Variants in KIFBP observed in about 807,000 individuals in gnomAD.
KIFBP encodes kinesin family binding protein, also known as KIF-binding protein.
In KIFBP, 46 loss-of-function variants were observed where a neutral mutation model predicts 58.9. The ratio of observed to expected loss-of-function variants is 0.78; its 90% CI spans 0.62 to 1.00. The LOEUF (loss-of-function observed/expected upper bound fraction) is 1.00, where lower values mean the gene tolerates loss of function less well. Among genes scored for constraint, KIFBP ranks in the 50% least tolerant of loss-of-function variants. The pLI is 0.00. For synonymous variants in KIFBP, 241 were observed against 283.4 expected (o/e 0.85, Z 1.50); for missense variants, 651 against 752.9 (o/e 0.86, Z 1.58).
At chr10:69,009,213 G>A (rs1843566839) in intron 5 of KIFBP, among the ~76,000 whole-genome samples, 1 of 152,044 alleles carries the variant, frequency 6.6e-6, no homozygotes. Flanking sequence ...TTCAAGAAAT[G>A]TAACATTGGC....
chr10:68,989,016 G>A lies in KIFBP; in HGVS notation c.184G>A (p.Glu62Lys). The A allele has an allele frequency of 1.9e-6, 3 of 1,614,106 alleles. No homozygotes were observed. The highest frequency in any genetic ancestry group is 2.5e-6 in the Non-Finnish European group (3 of 1,179,992). The change falls in exon 1 of 7, where the codon GAG becomes AAG. Residue 62 changes from glutamate to lysine, a missense_variant. Transcript: ENST00000361983. Reference sequence around the variant, plus strand: ...GCCTGAGGACGAGGATGAGCGGCCTGAGGCCGAGGACGGCCCGGGTGCCGG... The same window carrying A: ...GCCTGAGGACGAGGATGAGCGGCCTAAGGCCGAGGACGGCCCGGGTGCCGG... ...PAPEDEDERP[E>K]AEDGPGAGDH...
At chr10:69,011,395 C>CTTTTTTTTT (rs10700812) in intron 6 of KIFBP, 1 of 129,470 alleles carries the variant, frequency 7.7e-6, no homozygotes, top group Admixed American at 7.6e-5. Flanking sequence ...ATATCATATT[C>CTTTTTTTTT]TTTTTTTTTT....
intron 2 of KIFBP, among the ~76,000 whole-genome samples, chr10:69,000,766 A>G (rs1442288922): frequency 6.6e-6 from 1 of 152,242 alleles, no homozygotes; most frequent in African/African-American, 2.4e-5. Context: ...TAAAGGAAAT[A>G]TTATTCTAGT....
intron 1 of KIFBP, among the ~76,000 whole-genome samples, chr10:68,992,837 AT>A (rs942573933): frequency 6.6e-6 from 1 of 151,772 alleles, no homozygotes; most frequent in African/African-American, 2.4e-5. Flanking sequence ...TTTGTTTTAC[AT>A]TTGGGGAGGG....
At chr10:69,003,774 AT>A (rs903085427) in intron 2 of KIFBP, among the ~76,000 whole-genome samples, 11 of 152,208 alleles carry the variant, frequency 7.2e-5, no homozygotes, top group African/African-American at 2.7e-4. Context: ...TGAGAAAAAA[AT>A]ATTAGAATAA....
chr10:69,010,740 A>AT (rs1416977317), intron 5 of KIFBP, among the ~76,000 whole-genome samples, 160 bp from the exon 6 acceptor site: 2 of 152,142 alleles, frequency 1.3e-5, no homozygotes, highest in African/African-American at 2.4e-5. Flanking sequence ...GGGTAGTAGG[A>AT]TTTGGGGGGG....
intron 3 of KIFBP, 64 bp from the exon 4 acceptor site, chr10:69,005,668 G>C: frequency 2.3e-6 from 3 of 1,290,002 alleles, no homozygotes; most frequent in Non-Finnish European, 3.3e-6. Flanking sequence ...GCGAGACTCT[G>C]TCTCAGGAAA....
At position 69,015,540 on chromosome 10, in the gene KIFBP, G is replaced by A; in HGVS notation, c.991-1G>A. On this transcript the variant is annotated splice_acceptor_variant, in intron 6 of 6. Transcript: ENST00000361983. LOFTEE classifies it high-confidence loss of function. The stretch of plus-strand genomic sequence containing the variant: ...CCATAATTTATTTTTTTTTCCTTCA[G>A]GACAACATAGGAGAGCTTGATCTTG... 1 of 1,612,172 alleles carries A rather than the reference G, an allele frequency of 6.2e-7. No homozygotes were observed. The highest frequency in any genetic ancestry group is 8.5e-7 in the Non-Finnish European group (1 of 1,179,508).
chr10:69,007,949 T>G (rs1843551617), intron 4 of KIFBP, among the ~76,000 whole-genome samples: 1 of 152,062 alleles, frequency 6.6e-6, no homozygotes, highest in African/African-American at 2.4e-5. Flanking sequence ...TCTTCAAGAG[T>G]GTTGGTAAAG....
chr10:68,998,356 A>C (rs1429060668), intron 1 of KIFBP, among the ~76,000 whole-genome samples: 1 of 152,128 alleles, frequency 6.6e-6, no homozygotes, highest in Non-Finnish European at 1.5e-5. Flanking sequence ...AGTAATGATG[A>C]GCATAAATGA....
chr10:68,995,044 G>T (rs368876567), intron 1 of KIFBP, among the ~76,000 whole-genome samples: 1 of 151,760 alleles, frequency 6.6e-6, no homozygotes, highest in African/African-American at 2.4e-5. Flanking sequence ...TTGAAGACGG[G>T]GTCTGGCTCT....
intron 1 of KIFBP, among the ~76,000 whole-genome samples, chr10:69,000,127 A>G (rs1843449905): frequency 6.6e-6 from 1 of 152,012 alleles, no homozygotes; most frequent in Non-Finnish European, 1.5e-5. Context: ...CTTGGAAATG[A>G]CTTTCCATCA....
chr10:69,000,278 A>G, intron 1 of KIFBP, 146 bp from the exon 2 acceptor site: 1 of 655,998 alleles, frequency 1.5e-6, no homozygotes, highest in South Asian at 1.6e-5. Flanking sequence ...GCACTACATA[A>G]GGTCAATATC....
rs377072770 is a variant in KIFBP at position 69,005,104 on chromosome 10, C to G, written c.584C>G (p.Thr195Ser). The G allele has an allele frequency of 7.4e-6, 12 of 1,612,542 alleles. No homozygotes were observed. Among genetic ancestry groups the G allele is most frequent in the African/African-American group, 2.7e-5 (2 of 74,858 alleles). Residue 195 changes from threonine to serine, a missense_variant, in exon 3 of 7, where the codon ACT (threonine) becomes AGT (serine). Coordinates refer to ENST00000361983, the MANE Select transcript of KIFBP (RefSeq NM_015634.4). ...TTTCTTCCTGAAGAAGAGAAACTTA[C>G]TGAACAAGAGAGATCAAAAAGGTGA... ...ERFLPEEEKL[T>S]EQERSKRFEK...
At chr10:68,989,363 C>A in intron 1 of KIFBP, 105 bp downstream of exon 1, 1 of 1,301,828 alleles carries the variant, frequency 7.7e-7, no homozygotes, top group East Asian at 2.4e-5. Flanking sequence ...CAATTCGTCC[C>A]CACGTTTTTG....
Position 69,015,999 on chromosome 10 carries a change from TATG to T in KIFBP, c.1453_1455del (p.Met485del). ...TTGAAATTGCACATGCTTACTATGATATGATGGATTTGAAGGTTGCCATTGCTG... is the reference window on the plus strand; with the variant it reads ...TTGAAATTGCACATGCTTACTATGATATGGATTTGAAGGTTGCCATTGCTG... On this transcript the variant is annotated inframe_deletion, in exon 7 of 7. Transcript: ENST00000361983. 2 of 1,614,172 alleles carry T rather than the reference TATG, an allele frequency of 1.2e-6. No individual in the cohort carries two copies. Among genetic ancestry groups the T allele is most frequent in the Non-Finnish European group, 1.7e-6 (2 of 1,180,032 alleles).
At chr10:69,003,314 C>T (rs1414116469) in intron 2 of KIFBP, among the ~76,000 whole-genome samples, 1 of 152,166 alleles carries the variant, frequency 6.6e-6, no homozygotes, top group East Asian at 1.9e-4. Flanking sequence ...GAAGAGTTCT[C>T]TGAAGAATTA....
Position 69,016,063 on chromosome 10 carries a change from AAAAT to A in KIFBP, c.1520_1523del (p.Asn507IlefsTer7). 1 of 1,614,128 alleles carries A rather than the reference AAAAT, an allele frequency of 6.2e-7. No homozygotes were observed. The highest frequency in any genetic ancestry group is 1.3e-5 in the African/African-American group (1 of 75,042). On this transcript the variant is annotated frameshift_variant, in exon 7 of 7. Transcript: ENST00000361983. LOFTEE classifies it high-confidence loss of function. ...GGATCCTGATTCACACATTGTAAAA[AAAAT>A]AAATAATCTTAATAAGTCAGCACTG...
intron 4 of KIFBP, among the ~76,000 whole-genome samples, chr10:69,008,219 T>A (rs898628814): frequency 6.7e-6 from 1 of 150,024 alleles, no homozygotes; most frequent in Non-Finnish European, 1.5e-5. Context: ...AGGCCAGGAG[T>A]TGGAGACCTG....
Sources: gnomAD v4.1 joint callset for allele counts (sites outside exome capture counted in the v4.1 genomes callset) on GRCh38, gnomAD v4.1.1 for gene constraint, MANE v1.5 for transcripts, NCBI Gene and HGNC (gene_info 2026-07-23, HGNC 2026-07-21) for gene names.